The following CACNB4 variants were observed in gnomAD, a reference collection of about 807,000 sequenced individuals.
CACNB4 encodes calcium voltage-gated channel auxiliary subunit beta 4.
A neutral mutation model predicts 71.2 loss-of-function variants in CACNB4; 32 were observed. The ratio of observed to expected loss-of-function variants is 0.45; its 90% CI spans 0.34 to 0.60. CACNB4 has a LOEUF of 0.60. CACNB4 is among the 20% of genes least tolerant of loss of function. The pLI is 0.01. For synonymous variants in CACNB4, 231 were observed against 236.9 expected, an observed-to-expected ratio of 0.97 and a Z score of 0.23; for missense variants, 464 against 647.9, an observed-to-expected ratio of 0.72 and a Z score of 3.08.
At chr2:152,003,715 T>C (rs1358680290) in intron 2 of CACNB4, among the ~76,000 whole-genome samples, 4 of 152,162 alleles carry the variant, frequency 2.6e-5, no homozygotes, top group African/African-American at 9.7e-5. Flanking sequence ...TTCATCATTG[T>C]ATTGACTATA....
chr2:151,993,569 T>C (rs1365644936), intron 2 of CACNB4, among the ~76,000 whole-genome samples: 2 of 150,534 alleles, frequency 1.3e-5, no homozygotes, highest in Non-Finnish European at 3.0e-5. Flanking sequence ...AGCACTTTTT[T>C]TTTTTTTTTT....
At position 152,096,377 on chromosome 2, in the gene CACNB4, G is replaced by A. The variant is rs569803797; in HGVS notation, c.147+1953C>T. Among the ~76,000 whole-genome samples, 141 of 152,210 alleles carry A rather than the reference G, an allele frequency of 9.3e-4. 1 individual carries two copies. The highest frequency in any genetic ancestry group is 5.4e-3 in the Admixed American group (83 of 15,296). Reference sequence around the variant, plus strand: ...CGGGTGCCTGTAGTCTCAGCTACTCGGGAGGCTGAGGCAGGAGAATGGCGT... The same window carrying A: ...CGGGTGCCTGTAGTCTCAGCTACTCAGGAGGCTGAGGCAGGAGAATGGCGT... On this transcript the variant is annotated intron_variant, in intron 2 of 13. Transcript: ENST00000539935.
At chr2:151,897,863 C>G (rs1169216596) in intron 2 of CACNB4, among the ~76,000 whole-genome samples, 2 of 152,198 alleles carry the variant, frequency 1.3e-5, no homozygotes, top group Non-Finnish European at 2.9e-5. Flanking sequence ...AGCACTCAGC[C>G]AAGGAATCAC....
intron 2 of CACNB4, among the ~76,000 whole-genome samples, chr2:152,035,630 C>CCTCTCTCTCTCTCT (rs369495604): frequency 2.6e-3 from 241 of 93,284 alleles, no homozygotes; most frequent in Middle Eastern, 6.3e-3. Flanking sequence ...CCTCCCTCTC[C>CCTCTCTCTCTCTCT]CTCTCTCTCT....
intron 2 of CACNB4, among the ~76,000 whole-genome samples, chr2:152,013,801 A>G (rs931739987): frequency 6.6e-6 from 1 of 152,210 alleles, no homozygotes; most frequent in African/African-American, 2.4e-5. Flanking sequence ...ATGGGATGGG[A>G]TAGTGCCTTC....
rs774230478 is a variant in CACNB4, at chr2:152,098,415, T to C, written c.64-2A>G. 1 of 1,610,834 alleles carries C rather than the reference T, an allele frequency of 6.2e-7. No individual in the cohort carries two copies. The highest frequency in any genetic ancestry group is 8.5e-7 in the Non-Finnish European group (1 of 1,177,160). ...CCGGGTTGTGGTGCCTCGGGCCACC[T>C]GGACTCGACACACGGGGGCCAGAGA... On this transcript the variant is annotated splice_acceptor_variant, in intron 1 of 13. Transcript: ENST00000539935. LOFTEE classifies it high-confidence loss of function. This position sits in a 1 kb window ranked among gnomAD's most constrained non-coding sequence, Gnocchi z 5.3.
intron 2 of CACNB4, among the ~76,000 whole-genome samples, chr2:152,086,906 G>A (rs773123848): frequency 9.2e-5 from 14 of 151,894 alleles, no homozygotes; most frequent in Admixed American, 2.6e-4. Context: ...TGAGGTGGGC[G>A]GATCACCTGA....
chr2:151,864,409 G>A (rs2099842550), intron 9 of CACNB4, among the ~76,000 whole-genome samples: 1 of 152,130 alleles, frequency 6.6e-6, no homozygotes. Context: ...GATTTTCTGT[G>A]GAAAGATATT....
chr2:152,014,148 A>T (rs981487803), intron 2 of CACNB4, among the ~76,000 whole-genome samples: 2 of 152,164 alleles, frequency 1.3e-5, no homozygotes, highest in African/African-American at 4.8e-5. Context: ...GGAGTTTGAA[A>T]CCAGCCTGGC....
chr2:151,911,286 C>A (rs780745374), intron 2 of CACNB4, among the ~76,000 whole-genome samples: 1 of 152,102 alleles, frequency 6.6e-6, no homozygotes, highest in Non-Finnish European at 1.5e-5. Flanking sequence ...ATTTGAATAC[C>A]CTTTCTTTCT....
At chr2:151,941,590 A>G (rs1217006900) in intron 2 of CACNB4, among the ~76,000 whole-genome samples, 5 of 151,456 alleles carry the variant, frequency 3.3e-5, no homozygotes, top group East Asian at 1.9e-4. Flanking sequence ...CTTCGTCTCA[A>G]TTTTTGAAAA....
intron 2 of CACNB4, among the ~76,000 whole-genome samples, chr2:152,085,372 T>C (rs1687598860): frequency 6.6e-6 from 1 of 152,126 alleles, no homozygotes; most frequent in Non-Finnish European, 1.5e-5. Flanking sequence ...TATGAATGAA[T>C]AGAGCCTCCA....
intron 2 of CACNB4, among the ~76,000 whole-genome samples, chr2:152,088,274 T>C (rs1687777706): frequency 6.6e-6 from 1 of 151,998 alleles, no homozygotes; most frequent in African/African-American, 2.4e-5. Context: ...CAATCAGCAT[T>C]AAATTGTTAG....
At chr2:152,035,620 C>CCT (rs1684528353) in intron 2 of CACNB4, among the ~76,000 whole-genome samples, 87 of 48,414 alleles carry the variant, frequency 1.8e-3, no homozygotes, top group African/African-American at 5.8e-3. Flanking sequence ...TCTCTCTCTC[C>CCT]CTCCCTCTCC....
At position 152,050,646 on chromosome 2, in the gene CACNB4, C is replaced by T. The variant is rs555891494; in HGVS notation, c.147+47684G>A. On this transcript the variant is annotated intron_variant, in intron 2 of 13. Coordinates refer to ENST00000539935, the MANE Select transcript of CACNB4 (RefSeq NM_000726.5). The stretch of plus-strand genomic sequence containing the variant: ...TAGGAGGATCACTTAACCCCTGAAG[C>T]TTGAGGCTGCAGTGAGCCATGATTG... 2.0e-5 allele frequency among the ~76,000 whole-genome samples: 3 copies of T among 152,230 alleles called. No homozygotes were observed. The South Asian group carries it at 6.2e-4, about 32-fold the overall frequency.
Position 151,841,989 on chromosome 2 carries a change from T to C in CACNB4, c.1216A>G (p.Ser406Gly). The C allele has an allele frequency of 1.2e-6, 2 of 1,613,916 alleles. No individual in the cohort carries two copies. Among genetic ancestry groups the C allele is most frequent in the Non-Finnish European group, 1.7e-6 (2 of 1,179,830 alleles). Residue 406 changes from serine to glycine, a missense_variant, in exon 13 of 14, where the codon AGT becomes GGT. By Grantham distance (56) the Ser-to-Gly change is moderately conservative. Coordinates refer to ENST00000539935, the MANE Select transcript of CACNB4 (RefSeq NM_000726.5). Reference sequence around the variant, plus strand: ...AGCAGCGGGGTCATGGGTGTGCTACTGGTTGTGTGGGTGGCACGCCAGTAC... The same window carrying C: ...AGCAGCGGGGTCATGGGTGTGCTACCGGTTGTGTGGGTGGCACGCCAGTAC... ...EAYWRATHTT[S>G]STPMTPLLGR...
intron 2 of CACNB4, among the ~76,000 whole-genome samples, chr2:152,089,568 T>C (rs2105459481): frequency 6.6e-6 from 1 of 152,198 alleles, no homozygotes; most frequent in African/African-American, 2.4e-5. Flanking sequence ...GGAAGAAAGC[T>C]CCAGCAAAGG....
At chr2:151,878,628 A>ATTAGCTAGGGTAGTG (rs58966024) in intron 4 of CACNB4, among the ~76,000 whole-genome samples, 1 of 151,542 alleles carries the variant, frequency 6.6e-6, no homozygotes, top group Non-Finnish European at 1.5e-5. Flanking sequence ...GTACTACACA[A>ATTAGCTAGGGTAGTG]TACTACACCA....
intron 2 of CACNB4, among the ~76,000 whole-genome samples, chr2:151,907,936 C>G (rs1384662831): frequency 6.6e-6 from 1 of 152,148 alleles, no homozygotes; most frequent in Non-Finnish European, 1.5e-5. Context: ...AGATAACAAC[C>G]AGGAATAAAA....
Sources: gnomAD v4.1 joint callset for allele counts (sites outside exome capture counted in the v4.1 genomes callset) on GRCh38, gnomAD v4.1.1 for gene constraint, Gnocchi (gnomAD v3.1) non-coding constraint, MANE v1.5 for transcripts, NCBI Gene and HGNC (gene_info 2026-07-23, HGNC 2026-07-21) for gene names.